The following MYO10 variants were observed in gnomAD, a reference collection of about 807,000 sequenced individuals.
MYO10 encodes the protein unconventional myosin-X.
A neutral mutation model predicts 257.3 loss-of-function variants in MYO10; 133 were observed. The ratio of observed to expected loss-of-function variants is 0.52; its 90% CI spans 0.45 to 0.60. The LOEUF (loss-of-function observed/expected upper bound fraction) is 0.60, where lower values mean the gene tolerates loss of function less well. Ranked by LOEUF, MYO10 falls within the 20% of genes least tolerant of loss-of-function variation. The probability of loss-of-function intolerance (pLI) is 0.00; values close to 1 mark genes in which losing one functional copy is unlikely to be tolerated. For synonymous variants in MYO10, 1,104 were observed against 1,028.6 expected, an observed-to-expected ratio of 1.07 and a Z score of -1.40; for missense variants, 2,399 against 2,635.7, an observed-to-expected ratio of 0.91 and a Z score of 1.97.
At chr5:16,934,518 A>C (rs187500341) in intron 1 of MYO10, among the ~76,000 whole-genome samples, 235 of 152,332 alleles carry the variant, frequency 1.5e-3, no homozygotes, top group African/African-American at 5.6e-3. Flanking sequence ...GTGCCTTTCG[A>C]CAAGCATGAA....
chr5:16,769,685 A>G (rs755872230), intron 9 of MYO10, among the ~76,000 whole-genome samples: 2 of 152,044 alleles, frequency 1.3e-5, no homozygotes, highest in South Asian at 2.1e-4. Flanking sequence ...CATAGTGCAC[A>G]TAAGAGGAGG....
At chr5:16,880,183 A>C (rs547592140) in intron 1 of MYO10, among the ~76,000 whole-genome samples, 3 of 151,922 alleles carry the variant, frequency 2.0e-5, no homozygotes, top group South Asian at 4.2e-4. Flanking sequence ...TATCTCAAAA[A>C]ATAAATAAAT....
In MYO10 at chr5:16,845,299, C is replaced by G. The variant is rs116637098; in HGVS notation, c.121-27132G>C. 3.7e-3 allele frequency among the ~76,000 whole-genome samples: 563 copies of G among 152,188 alleles called. 5 individuals are homozygous for G. Among genetic ancestry groups the G allele is most frequent in the African/African-American group, 0.013 (530 of 41,516 alleles). On this transcript the variant is annotated intron_variant, in intron 2 of 40. Coordinates refer to ENST00000513610, the MANE Select transcript of MYO10 (RefSeq NM_012334.3). ...ATATAAGACCACAGAGATAATTTCT[C>G]ATAAAGTTTAACTCCTTCCATTTTA...
intron 2 of MYO10, among the ~76,000 whole-genome samples, chr5:16,847,839 T>C (rs1454209075): frequency 3.3e-5 from 5 of 151,986 alleles, no homozygotes; most frequent in African/African-American, 1.2e-4. Context: ...TGCTTTATAA[T>C]TGCACCTGTG....
intron 2 of MYO10, among the ~76,000 whole-genome samples, chr5:16,869,138 C>T (rs1005947536): frequency 6.6e-6 from 1 of 151,960 alleles, no homozygotes; most frequent in African/African-American, 2.4e-5. Flanking sequence ...CATTCTCCTG[C>T]CTCAGCCTCC....
chr5:16,917,780 G>C lies in MYO10; in HGVS notation c.21+18008C>G, dbSNP rs568840256. ...TCCCAGCTACTCAAAAGGCCGAACGGGGGAGAATCTCTTGAGCCCAGGAGG... is the reference window on the plus strand; with the variant it reads ...TCCCAGCTACTCAAAAGGCCGAACGCGGGAGAATCTCTTGAGCCCAGGAGG... On this transcript the variant is annotated intron_variant, in intron 1 of 40. Coordinates refer to ENST00000513610, the MANE Select transcript of MYO10 (RefSeq NM_012334.3). 9.7e-4 allele frequency among the ~76,000 whole-genome samples: 148 copies of C among 152,186 alleles called. 2 individuals are homozygous for C. Among genetic ancestry groups the C allele is most frequent in the Non-Finnish European group, 1.8e-3 (125 of 68,002 alleles).
chr5:16,892,089 C>T (rs1222026249), intron 1 of MYO10, among the ~76,000 whole-genome samples: 1 of 152,056 alleles, frequency 6.6e-6, no homozygotes, highest in East Asian at 1.9e-4. Context: ...CTTATTGCTC[C>T]GTTGAATGGT....
chr5:16,827,862 T>A (rs1280114393), intron 2 of MYO10, among the ~76,000 whole-genome samples: 1 of 152,104 alleles, frequency 6.6e-6, no homozygotes. Context: ...GGGGAGGTAA[T>A]ACTGATGCTC....
At position 16,699,635 on chromosome 5, in the gene MYO10, C is replaced by T. The variant is rs746410832; in HGVS notation, c.3433-62G>A. 12 of 1,601,462 alleles carry T rather than the reference C, an allele frequency of 7.5e-6. No individual in the cohort carries two copies. The South Asian group carries it at 1.2e-4, about 16-fold the overall frequency. ...GGCCACAAAGCAAGCCACGAAGATACCCAGCATGTATCATCATTGAAAAAA... is the reference window on the plus strand; with the variant it reads ...GGCCACAAAGCAAGCCACGAAGATATCCAGCATGTATCATCATTGAAAAAA... On this transcript the variant is annotated intron_variant, in intron 25 of 40. Transcript: ENST00000513610.
intron 2 of MYO10, among the ~76,000 whole-genome samples, chr5:16,868,465 G>A (rs1054202788): frequency 6.6e-6 from 1 of 152,196 alleles, no homozygotes; most frequent in Non-Finnish European, 1.5e-5. Context: ...TTAGCCAGGC[G>A]TGGTGGCACC....
intron 1 of MYO10, among the ~76,000 whole-genome samples, chr5:16,919,095 G>A (rs1175848111): frequency 1.3e-5 from 2 of 152,184 alleles, no homozygotes; most frequent in Admixed American, 1.3e-4. Context: ...CTACCAGAAC[G>A]GCCAGGAGTG....
intron 36 of MYO10, among the ~76,000 whole-genome samples, chr5:16,673,190 CG>C (rs1401023193): frequency 7.3e-6 from 1 of 136,176 alleles, no homozygotes; most frequent in Non-Finnish European, 1.5e-5. Flanking sequence ...CTCCAGATGA[CG>C]TTTTTTTTTT....
chr5:16,696,281 T>C (rs368998751), intron 26 of MYO10, among the ~76,000 whole-genome samples: 2 of 152,366 alleles, frequency 1.3e-5, no homozygotes, highest in Admixed American at 1.3e-4. Context: ...AATTTCCTAA[T>C]TGCAAACATC....
intron 2 of MYO10, among the ~76,000 whole-genome samples, chr5:16,852,075 AAAG>A (rs1315800046): frequency 2.7e-5 from 4 of 146,616 alleles, no homozygotes; most frequent in Non-Finnish European, 4.5e-5. Context: ...AAAAAAAAAA[AAAG>A]AAGACTTACT....
At chr5:16,767,019 C>T (rs1261387739) in intron 10 of MYO10, among the ~76,000 whole-genome samples, 3 of 151,956 alleles carry the variant, frequency 2.0e-5, no homozygotes, top group Non-Finnish European at 2.9e-5. Flanking sequence ...GCCACCATGC[C>T]CGGCCTACTA....
chr5:16,890,634 G>A (rs1172723015), intron 1 of MYO10, among the ~76,000 whole-genome samples: 2 of 151,648 alleles, frequency 1.3e-5, no homozygotes, highest in East Asian at 3.9e-4. Context: ...GAGGTCAGGA[G>A]TTCGAGACCA....
chr5:16,714,220 G>A (rs1738748939), intron 19 of MYO10, among the ~76,000 whole-genome samples: 1 of 152,034 alleles, frequency 6.6e-6, no homozygotes, highest in African/African-American at 2.4e-5. Context: ...AAAATACTGA[G>A]GGGGCATGGG....
intron 2 of MYO10, among the ~76,000 whole-genome samples, chr5:16,858,008 C>T (rs1447178184): frequency 1.3e-5 from 2 of 152,184 alleles, no homozygotes; most frequent in Non-Finnish European, 2.9e-5. Flanking sequence ...ACTTTTTCTG[C>T]TAAAGGACTG....
At chr5:16,821,793 T>G (rs11133864) in intron 2 of MYO10, among the ~76,000 whole-genome samples, 110,888 of 151,678 alleles carry the variant, frequency 0.73, 41,842 homozygotes, top group Non-Finnish European at 0.82. Flanking sequence ...AGGAGCACAT[T>G]ACGCATGCCC....
Sources: gnomAD v4.1 joint callset for allele counts (sites outside exome capture counted in the v4.1 genomes callset) on GRCh38, gnomAD v4.1.1 for gene constraint, MANE v1.5 for transcripts, NCBI Gene and HGNC (gene_info 2026-07-23, HGNC 2026-07-21) for gene names.